The following CDH13 variants were observed in gnomAD, a reference collection of about 807,000 sequenced individuals.
CDH13 encodes cadherin 13, also known as cadherin-13.
Under a neutral mutation model 63.8 loss-of-function variants are expected in CDH13, and 24 were observed. The observed-to-expected ratio is 0.38, with a 90% CI of 0.27 to 0.53. The LOEUF (loss-of-function observed/expected upper bound fraction) is 0.53. Among genes scored for constraint, CDH13 ranks in the 20% least tolerant of loss-of-function variants. The probability of loss-of-function intolerance (pLI) is 0.85; values close to 1 mark genes in which losing one functional copy is unlikely to be tolerated. For synonymous variants in CDH13, 503 were observed against 355.3 expected (o/e 1.42, Z -4.67); for missense variants, 1,049 against 903.1 (o/e 1.16, Z -2.07).
intron 1 of CDH13, among the ~76,000 whole-genome samples, chr16:82,797,001 C>T (rs183539420): frequency 1.0e-3 from 154 of 152,280 alleles, no homozygotes; most frequent in Non-Finnish European, 1.7e-3. Context: ...TTTCTTCTGC[C>T]AAACCAGCCT....
intron 4 of CDH13, among the ~76,000 whole-genome samples, chr16:83,179,370 G>A (rs1055307615): frequency 4.0e-5 from 6 of 151,622 alleles, no homozygotes; most frequent in Non-Finnish European, 7.4e-5. Flanking sequence ...GAGGATGGGC[G>A]CGGTGGCTCA....
intron 6 of CDH13, among the ~76,000 whole-genome samples, chr16:83,382,654 C>T (rs568774846): frequency 1.3e-5 from 2 of 152,284 alleles, no homozygotes; most frequent in South Asian, 2.1e-4. Context: ...CTCCACACCC[C>T]GTTCAGGGTT....
At chr16:83,328,063 G>C (rs931048675) in intron 5 of CDH13, among the ~76,000 whole-genome samples, 3 of 151,166 alleles carry the variant, frequency 2.0e-5, no homozygotes, top group Non-Finnish European at 4.4e-5. Context: ...GACCCAGGAG[G>C]CGGAGCTTGC....
At chr16:82,665,409 G>A (rs1292457187) in intron 1 of CDH13, among the ~76,000 whole-genome samples, 3 of 152,142 alleles carry the variant, frequency 2.0e-5, no homozygotes, top group Non-Finnish European at 2.9e-5. Flanking sequence ...GTTATATATT[G>A]ACTAGTTGAC....
At chr16:83,657,563 C>T (rs144466073) in intron 8 of CDH13, among the ~76,000 whole-genome samples, 55 of 152,292 alleles carry the variant, frequency 3.6e-4, no homozygotes, top group African/African-American at 1.3e-3. Flanking sequence ...CTTTACTGAA[C>T]AGCCCACCTT....
At chr16:83,176,602 C>T (rs544615880) in intron 4 of CDH13, among the ~76,000 whole-genome samples, 1 of 151,922 alleles carries the variant, frequency 6.6e-6, no homozygotes, top group Admixed American at 6.6e-5. Flanking sequence ...CAGTTCATCC[C>T]CAATTATAAA....
chr16:82,729,272 C>A (rs910325805), intron 1 of CDH13, among the ~76,000 whole-genome samples: 1 of 152,116 alleles, frequency 6.6e-6, no homozygotes, highest in Non-Finnish European at 1.5e-5. Context: ...TTCACTTTGC[C>A]CCGATCCATC....
At chr16:83,116,224 T>G (rs2035286118) in intron 3 of CDH13, among the ~76,000 whole-genome samples, 1 of 152,200 alleles carries the variant, frequency 6.6e-6, no homozygotes, top group African/African-American at 2.4e-5. Flanking sequence ...GCACCATGCT[T>G]TGGCAGGTGT....
intron 2 of CDH13, among the ~76,000 whole-genome samples, chr16:82,986,201 C>T (rs541176232): frequency 6.6e-6 from 1 of 152,256 alleles, no homozygotes; most frequent in South Asian, 2.1e-4. Context: ...CTGTAGAGAT[C>T]AATACTGTCC....
At chr16:82,866,565 G>A (rs916784468) in intron 2 of CDH13, among the ~76,000 whole-genome samples, 5 of 151,146 alleles carry the variant, frequency 3.3e-5, no homozygotes, top group African/African-American at 1.2e-4. Context: ...ATTTTTTGTA[G>A]TTTTAGTACA....
chr16:83,373,455 G>A (rs576495959), intron 6 of CDH13, among the ~76,000 whole-genome samples: 15 of 152,160 alleles, frequency 9.9e-5, no homozygotes, highest in East Asian at 9.7e-4. Context: ...AGCTTGTTCC[G>A]GAAGAAGGAA....
At chr16:83,560,402 T>C (rs1289906007) in intron 7 of CDH13, among the ~76,000 whole-genome samples, 1 of 152,208 alleles carries the variant, frequency 6.6e-6, no homozygotes, top group Non-Finnish European at 1.5e-5. Context: ...GATGTTATGC[T>C]AAGTGAAATA....
At chr16:82,718,934 C>A (rs914161441) in intron 1 of CDH13, among the ~76,000 whole-genome samples, 3 of 152,156 alleles carry the variant, frequency 2.0e-5, no homozygotes, top group Admixed American at 6.5e-5. Context: ...TCTCACCAGA[C>A]CTGAGAGCCA....
At chr16:83,692,056 A>G (rs1904951613) in intron 10 of CDH13, among the ~76,000 whole-genome samples, 1 of 152,170 alleles carries the variant, frequency 6.6e-6, no homozygotes, top group African/African-American at 2.4e-5. Flanking sequence ...AATGTGACTC[A>G]ATGACAGCCG....
chr16:83,264,180 G>A (rs1416414928), intron 5 of CDH13, among the ~76,000 whole-genome samples: 1 of 152,244 alleles, frequency 6.6e-6, no homozygotes, highest in East Asian at 1.9e-4. Context: ...GCCCAACCCT[G>A]AATACATTTT....
At chr16:83,684,280 T>C (rs1438799215) in intron 10 of CDH13, among the ~76,000 whole-genome samples, 1 of 152,094 alleles carries the variant, frequency 6.6e-6, no homozygotes, top group East Asian at 1.9e-4. Flanking sequence ...GGCAGGAGAA[T>C]TTCTTGAACC....
intron 2 of CDH13, among the ~76,000 whole-genome samples, chr16:82,965,734 C>T (rs1567701079): frequency 6.6e-6 from 1 of 152,182 alleles, no homozygotes; most frequent in Non-Finnish European, 1.5e-5. Context: ...CTCAAGTGAT[C>T]TGCCAGCCTC....
At chr16:82,701,788 G>A (rs757381757) in intron 1 of CDH13, among the ~76,000 whole-genome samples, 6 of 152,002 alleles carry the variant, frequency 3.9e-5, no homozygotes, top group South Asian at 2.1e-4. Context: ...AACATGTCAC[G>A]TGCCCATCCT....
chr16:83,518,766 C>T lies in CDH13; in HGVS notation c.960+32111C>T, dbSNP rs186696985. 7.1e-3 allele frequency among the ~76,000 whole-genome samples: 1,074 copies of T among 152,210 alleles called. 22 individuals are homozygous for T. Among genetic ancestry groups the T allele is most frequent in the African/African-American group, 0.025 (1,026 of 41,528 alleles). ...GATTACAGGTTTGAGCCACCGAGCC[C>T]GGCCGATGTGATGGTTTTATAAAGG... On this transcript the variant is annotated intron_variant, in intron 7 of 13. Coordinates refer to ENST00000567109, the MANE Select transcript of CDH13 (RefSeq NM_001257.5).
Sources: gnomAD v4.1 joint callset for allele counts (sites outside exome capture counted in the v4.1 genomes callset) on GRCh38, gnomAD v4.1.1 for gene constraint, MANE v1.5 for transcripts, NCBI Gene and HGNC (gene_info 2026-07-23, HGNC 2026-07-21) for gene names.